The following ACOT1 variants were observed in gnomAD, a reference collection of about 807,000 sequenced individuals.
The protein encoded by ACOT1 is acyl-coenzyme A thioesterase 1.
In ACOT1, 8 loss-of-function variants were observed where a neutral mutation model predicts 15.7. The ratio of observed to expected loss-of-function variants is 0.51; its 90% CI spans 0.30 to 0.92. The LOEUF is 0.92. Among genes scored for constraint, ACOT1 ranks in the 40% least tolerant of loss-of-function variants. ACOT1 has a pLI of 0.06. For synonymous variants in ACOT1, 67 were observed against 241.2 expected, an observed-to-expected ratio of 0.28 and a Z score of 6.69; for missense variants, 151 against 539.4, an observed-to-expected ratio of 0.28 and a Z score of 7.13.
the ACOT1 span, among the ~76,000 whole-genome samples, chr14:73,528,392 C>CAAAA: frequency 0.023 from 2,023 of 88,030 alleles, 192 homozygotes; most frequent in South Asian, 0.11. Flanking sequence ...AACTTCATCT[C>CAAAA]AAAAAAAAAA....
At chr14:73,506,827 T>TTTTTTTTTTTTTG in the ACOT1 span, among the ~76,000 whole-genome samples, 2 of 122,896 alleles carry the variant, frequency 1.6e-5, no homozygotes, top group African/African-American at 6.6e-5. Flanking sequence ...TTTTTTTTTC[T>TTTTTTTTTTTTTG]GAGAAGGTTG....
chr14:73,502,046 ATTTTT>A, the ACOT1 span, among the ~76,000 whole-genome samples: 1 of 133,946 alleles, frequency 7.5e-6, no homozygotes, highest in Non-Finnish European at 1.6e-5. Context: ...CGCCCGGCCA[ATTTTT>A]TTTTTTTTTT....
At chr14:73,509,325 A>G in the ACOT1 span, 2 of 1,613,938 alleles carry the variant, frequency 1.2e-6, no homozygotes, top group Non-Finnish European at 1.7e-6. Flanking sequence ...TCAGAAGGGC[A>G]GTCTGCATGA....
chr14:73,491,832 G>T, the ACOT1 span: 2 of 1,607,764 alleles, frequency 1.2e-6, no homozygotes, highest in Non-Finnish European at 1.7e-6. Flanking sequence ...AACGGACGAC[G>T]CGAGACCCTG....
At chr14:73,512,138 GC>G in the ACOT1 span, 2 of 1,614,150 alleles carry the variant, frequency 1.2e-6, no homozygotes, top group Non-Finnish European at 1.7e-6. Context: ...GTCTCATGGT[GC>G]CACTCTATGA....
At chr14:73,507,944 C>T in the ACOT1 span, among the ~76,000 whole-genome samples, 15 of 152,086 alleles carry the variant, frequency 9.9e-5, no homozygotes, top group African/African-American at 3.1e-4. Flanking sequence ...GAGGTTTCAC[C>T]CATGTTGGCC....
the ACOT1 span, chr14:73,512,013 T>G: frequency 6.2e-7 from 1 of 1,613,988 alleles, no homozygotes. Context: ...CACCTGAGTC[T>G]CTCTGGCTGG....
chr14:73,524,310 A>AAAAAAAAAAAAAATATATATATATATAT, the ACOT1 span, among the ~76,000 whole-genome samples: 1 of 54,788 alleles, frequency 1.8e-5, no homozygotes, highest in Non-Finnish European at 3.1e-5. Context: ...AAAAAAAAAA[A>AAAAAAAAAAAAAATATATATATATATAT]ATATATATAT....
upstream of ACOT1, among the ~76,000 whole-genome samples, chr14:73,533,448 G>A (rs1172876560): frequency 8.7e-6 from 1 of 115,396 alleles, no homozygotes; most frequent in Non-Finnish European, 1.9e-5. Flanking sequence ...GGAGGCCGAG[G>A]AGGGTAGATC....
the ACOT1 span, chr14:73,523,224 C>T: frequency 7.0e-7 from 1 of 1,426,852 alleles, no homozygotes. Context: ...AGACCTGGCA[C>T]CTGTTAAGGG....
In ACOT1 at chr14:73,541,848, TTTC is replaced by T. The variant is rs1298923479; in HGVS notation, c.660+168_660+170del. On this transcript the variant is annotated intron_variant, in intron 2 of 2. Transcript: ENST00000311148. ...TCACTTCTTATAGACAGTTTCTTTC[TTTC>T]TTCTTCTTCTTCTTTCTTTTTTTGA... Among the ~76,000 whole-genome samples, 181 of 114,578 alleles carry T rather than the reference TTTC, an allele frequency of 1.6e-3. 4 individuals are homozygous for T. Among genetic ancestry groups the T allele is most frequent in the African/African-American group, 5.2e-3 (178 of 34,492 alleles). 75.2% of individuals were successfully genotyped at this position (114,578 alleles called of 152,430 possible).
the ACOT1 span, among the ~76,000 whole-genome samples, chr14:73,497,905 C>T: frequency 3.3e-5 from 5 of 152,118 alleles, no homozygotes; most frequent in East Asian, 1.9e-4. Context: ...GGATTACAGG[C>T]GTGAGTCATC....
chr14:73,499,567 G>T, the ACOT1 span, among the ~76,000 whole-genome samples: 1 of 152,102 alleles, frequency 6.6e-6, no homozygotes, highest in African/African-American at 2.4e-5. Flanking sequence ...ATTGAAAAAT[G>T]ACCTATCAAT....
the ACOT1 span, chr14:73,500,681 G>A: frequency 6.2e-7 from 1 of 1,614,148 alleles, no homozygotes; most frequent in Non-Finnish European, 8.5e-7. Flanking sequence ...TCACCTATCA[G>A]GTAGAGAGCT....
chr14:73,496,435 G>A, the ACOT1 span, among the ~76,000 whole-genome samples: 2 of 152,210 alleles, frequency 1.3e-5, no homozygotes, highest in South Asian at 2.1e-4. Flanking sequence ...ACCCAATCTT[G>A]CACAGATGCT....
chr14:73,525,031 T>A, the ACOT1 span, among the ~76,000 whole-genome samples: 1 of 152,140 alleles, frequency 6.6e-6, no homozygotes, highest in Non-Finnish European at 1.5e-5. Context: ...TTTTTTCTTT[T>A]GTTTTGTTTT....
At chr14:73,499,215 G>A in the ACOT1 span, 2 of 1,283,540 alleles carry the variant, frequency 1.6e-6, no homozygotes, top group Non-Finnish European at 2.3e-6. Context: ...GTGCGGTGGT[G>A]CACCCCTGTA....
chr14:73,521,321 AC>A, the ACOT1 span, among the ~76,000 whole-genome samples: 2 of 151,936 alleles, frequency 1.3e-5, no homozygotes, highest in East Asian at 1.9e-4. Context: ...CTCCAGCATA[AC>A]CCTTTTTTAA....
the ACOT1 span, among the ~76,000 whole-genome samples, chr14:73,519,437 T>C: frequency 6.6e-6 from 1 of 151,734 alleles, no homozygotes; most frequent in Non-Finnish European, 1.5e-5. Context: ...CCAAGGATGG[T>C]GATTTCCTTC....
Sources: gnomAD v4.1 joint callset for allele counts (sites outside exome capture counted in the v4.1 genomes callset) on GRCh38, gnomAD v4.1.1 for gene constraint, MANE v1.5 for transcripts, NCBI Gene and HGNC (gene_info 2026-07-23, HGNC 2026-07-21) for gene names.